Variants in RASA1 observed in about 807,000 individuals in gnomAD.
RASA1 encodes ras GTPase-activating protein 1.
In RASA1, 25 loss-of-function variants were observed where a neutral mutation model predicts 132.2. The observed-to-expected ratio is 0.19, with a 90% CI of 0.14 to 0.26. The LOEUF is 0.26. Among genes scored for constraint, RASA1 ranks in the 10% least tolerant of loss-of-function variants. The probability of loss-of-function intolerance (pLI) is 1.00; values close to 1 mark genes in which losing one functional copy is unlikely to be tolerated. For synonymous variants in RASA1, 477 were observed against 449.9 expected, an observed-to-expected ratio of 1.06 and a Z score of -0.76; for missense variants, 964 against 1,299.2, an observed-to-expected ratio of 0.74 and a Z score of 3.97.
rs1052211902 is a variant in RASA1, at chr5:87,285,657, G to A, written c.539+16667G>A. ...TTTTGAGACAAAGTCTCGCTCTGTC[G>A]CCTAGGCTGGAGTGCAATGGCGTGA... On this transcript the variant is annotated intron_variant, in intron 1 of 24. Transcript: ENST00000274376. 5.9e-5 allele frequency among the ~76,000 whole-genome samples: 8 copies of A among 134,814 alleles called. No individual in the cohort carries two copies. The East Asian group carries it at 8.5e-4, about 14-fold the overall frequency. The allele number at this position is 134,814 out of a possible 152,430, so 88.4% of individuals were successfully genotyped here.
intron 1 of RASA1, among the ~76,000 whole-genome samples, chr5:87,301,650 T>C (rs1755369040): frequency 6.6e-6 from 1 of 152,152 alleles, no homozygotes; most frequent in African/African-American, 2.4e-5. Context: ...TTTCGTATTT[T>C]TGGGGGGCTT....
chr5:87,321,831 C>T (rs1278231950), intron 1 of RASA1, among the ~76,000 whole-genome samples: 1 of 152,206 alleles, frequency 6.6e-6, no homozygotes, highest in Non-Finnish European at 1.5e-5. Flanking sequence ...GAAGACCCCC[C>T]ATAGGACCCT....
chr5:87,322,750 T>A (rs915501585), intron 1 of RASA1, among the ~76,000 whole-genome samples: 56 of 152,208 alleles, frequency 3.7e-4, no homozygotes, highest in African/African-American at 1.3e-3. Context: ...ATGGGAGTTA[T>A]AAGCCAGGAA....
intron 9 of RASA1, among the ~76,000 whole-genome samples, chr5:87,355,856 G>T (rs1172477945): frequency 6.6e-6 from 1 of 152,142 alleles, no homozygotes; most frequent in East Asian, 1.9e-4. Context: ...AACTTTGAGG[G>T]GCTCAAGACT....
At chr5:87,386,247 AAG>A (rs2112515583) in intron 22 of RASA1, among the ~76,000 whole-genome samples, 1 of 152,136 alleles carries the variant, frequency 6.6e-6, no homozygotes, top group South Asian at 2.1e-4. Context: ...CTGATTTTAA[AAG>A]AGTGTGTTAA....
chr5:87,377,230 AT>A, intron 17 of RASA1, 190 bp downstream of exon 17: 1 of 710,676 alleles, frequency 1.4e-6, no homozygotes, highest in Non-Finnish European at 2.3e-6. Flanking sequence ...GGAAGCTGAT[AT>A]TTCTAATGTA....
At chr5:87,348,665 T>A (rs931837682) in intron 7 of RASA1, among the ~76,000 whole-genome samples, 10 of 151,862 alleles carry the variant, frequency 6.6e-5, no homozygotes, top group Non-Finnish European at 1.3e-4. Flanking sequence ...AGATGCAGGA[T>A]CTTGCTGTGT....
At chr5:87,384,677 ATAATTAAGTTCCAGAGCT>A (rs1561329221) in intron 21 of RASA1, among the ~76,000 whole-genome samples, 1 of 152,142 alleles carries the variant, frequency 6.6e-6, no homozygotes, top group African/African-American at 2.4e-5. Flanking sequence ...TTACTGTTAA[ATAATTAAGTTCCAGAGCT>A]TATATTTAAT....
At chr5:87,353,660 G>A (rs990807218) in intron 9 of RASA1, among the ~76,000 whole-genome samples, 2 of 152,012 alleles carry the variant, frequency 1.3e-5, no homozygotes, top group Non-Finnish European at 2.9e-5. Context: ...TACGGTGAGA[G>A]GATTTGAGAA....
intron 1 of RASA1, among the ~76,000 whole-genome samples, chr5:87,274,551 T>G (rs1753986537): frequency 6.6e-6 from 1 of 152,082 alleles, no homozygotes; most frequent in Admixed American, 6.6e-5. Context: ...ATATAGTAGG[T>G]GCTTCAAGGG....
intron 5 of RASA1, among the ~76,000 whole-genome samples, chr5:87,341,039 T>C (rs996115073): frequency 2.0e-5 from 3 of 151,344 alleles, no homozygotes; most frequent in African/African-American, 7.3e-5. Context: ...AGTGGTGGAG[T>C]AGGACATAAT....
At chr5:87,335,769 A>G (rs923431025) in intron 4 of RASA1, among the ~76,000 whole-genome samples, 4 of 152,176 alleles carry the variant, frequency 2.6e-5, no homozygotes, top group African/African-American at 7.2e-5. Context: ...TAACAACTAG[A>G]AGATATAGAT....
At chr5:87,390,199 G>GAGTT (rs1055138165) in intron 24 of RASA1, among the ~76,000 whole-genome samples, 1 of 152,220 alleles carries the variant, frequency 6.6e-6, no homozygotes. Flanking sequence ...AGAACAAAAT[G>GAGTT]AGTTACACTT....
At chr5:87,327,857 T>TG (rs1757339420) in intron 1 of RASA1, among the ~76,000 whole-genome samples, 1 of 151,472 alleles carries the variant, frequency 6.6e-6, no homozygotes, top group Admixed American at 6.6e-5. Flanking sequence ...CCCAGCTACT[T>TG]GGGAGGCAGA....
At chr5:87,269,168 A>G in intron 1 of RASA1, 178 bp downstream of exon 1, 4 of 1,611,208 alleles carry the variant, frequency 2.5e-6, no homozygotes, top group Non-Finnish European at 3.4e-6. Flanking sequence ...CAGGCATACT[A>G]CCTGGCGTCT....
chr5:87,286,832 A>T (rs1056592295), intron 1 of RASA1, among the ~76,000 whole-genome samples: 1 of 150,586 alleles, frequency 6.6e-6, no homozygotes, highest in Non-Finnish European at 1.5e-5. Context: ...ACTCACATAT[A>T]TATATACCAT....
intron 1 of RASA1, among the ~76,000 whole-genome samples, chr5:87,277,255 AACTT>A (rs1314280938): frequency 6.6e-6 from 1 of 152,104 alleles, no homozygotes; most frequent in Admixed American, 6.5e-5. Flanking sequence ...ACCCAGATAA[AACTT>A]AACGTACTTC....
chr5:87,370,751 C>T (rs937151241), intron 12 of RASA1, among the ~76,000 whole-genome samples: 1 of 152,098 alleles, frequency 6.6e-6, no homozygotes, highest in African/African-American at 2.4e-5. Flanking sequence ...TGCTTATATT[C>T]TAACGAAGGA....
At chr5:87,363,294 T>G in intron 10 of RASA1, 54 bp from the exon 11 acceptor site, 1 of 1,424,310 alleles carries the variant, frequency 7.0e-7, no homozygotes, top group South Asian at 1.2e-5. Flanking sequence ...TTTAATAATA[T>G]GTAGGATTTC....
Sources: gnomAD v4.1 joint callset for allele counts (sites outside exome capture counted in the v4.1 genomes callset) on GRCh38, gnomAD v4.1.1 for gene constraint, MANE v1.5 for transcripts, NCBI Gene and HGNC (gene_info 2026-07-23, HGNC 2026-07-21) for gene names.